Variants in ATG16L2 observed in about 807,000 individuals in gnomAD.
The protein encoded by ATG16L2 is autophagy related 16 like 2.
In ATG16L2, 77 loss-of-function variants were observed where a neutral mutation model predicts 84.7. The ratio of observed to expected loss-of-function variants is 0.91; its 90% confidence interval spans 0.76 to 1.10. The LOEUF is 1.10. Ranked by LOEUF, ATG16L2 falls within the 50% of genes least tolerant of loss-of-function variation. The probability of loss-of-function intolerance (pLI) is 0.00; values close to 1 mark genes in which losing one functional copy is unlikely to be tolerated. For missense variants in ATG16L2, 782 were observed against 817.6 expected, an observed-to-expected ratio of 0.96 and a Z score of 0.53; for synonymous variants, 361 against 342.8, an observed-to-expected ratio of 1.05 and a Z score of -0.59.
rs77419620 is a variant in ATG16L2, at chr11:72,824,802, G to A, written c.956G>A (p.Cys319Tyr). Residue 319 changes from cysteine to tyrosine, a missense_variant, in exon 9 of 18, where the codon TGT becomes TAT. Physicochemically the swap from Cys to Tyr is radical, Grantham distance 194 (BLOSUM62 -2). Transcript: ENST00000321297. Reference protein sequence around the residue: ...PEQRYQIIPVCVAARLPTRAQ... With the variant: ...PEQRYQIIPVYVAARLPTRAQ... ...CAGCGATACCAGATCATCCCTGTGT[G>A]TGTGGCTGCCCGACTTCCTACCCGG... 1.9e-5 allele frequency: 30 copies of A among 1,607,278 alleles called. No individual in the cohort carries two copies. The highest frequency in any genetic ancestry group is 3.4e-5 in the Admixed American group (2 of 58,814).
intron 4 of ATG16L2, 102 bp from the exon 5 acceptor site, chr11:72,821,942 C>A (rs1860018587): frequency 1.4e-6 from 2 of 1,426,598 alleles, no homozygotes; most frequent in Non-Finnish European, 1.8e-6. Context: ...CCCGGCTAGC[C>A]GCGTTTGGCA....
rs3814729 is a variant in ATG16L2, at chr11:72,838,441, T to C, written c.*22-4176T>C. ...TGGTCACAGTAATATACTGTACGAG[T>C]GCACATGATCAGTAATTTAGGGACT... On this transcript the variant is annotated intron_variant, in intron 5 of 5. Transcript: ENST00000534905. 225 of 315,302 alleles carry C rather than the reference T, an allele frequency of 7.1e-4. 8 individuals carry two copies. In the East Asian group the frequency reaches 0.01, roughly 14 times the overall value. The allele number at this position is 315,302 out of a possible 1,614,324, so 19.5% of individuals were successfully genotyped here.
chr11:72,832,193 G>A (rs1482305593), downstream of ATG16L2, among the ~76,000 whole-genome samples: 1 of 152,216 alleles, frequency 6.6e-6, no homozygotes, highest in Non-Finnish European at 1.5e-5. Context: ...TGCTTAGAGA[G>A]CCCAGAGGAG....
downstream of ATG16L2, among the ~76,000 whole-genome samples, chr11:72,834,162 T>C (rs1860667239): frequency 6.6e-6 from 1 of 152,168 alleles, no homozygotes; most frequent in Non-Finnish European, 1.5e-5. Flanking sequence ...TCCTCCCCCT[T>C]CTAACCTAAA....
Position 72,823,748 on chromosome 11 carries a change from CGTCTCTCCTCCCTGT to C in ATG16L2, c.825-311_825-297del, listed in dbSNP as rs1348006361. The C allele has an allele frequency of 2.0e-5, 10 of 504,044 alleles. No homozygotes were observed. The Admixed American group carries it at 2.3e-4, about 12-fold the overall frequency. The allele number at this position is 504,044 out of a possible 1,614,324, so 31.2% of individuals were successfully genotyped here. ...ATCCCCAGCCTGGGGGAACCTTCAG[CGTCTCTCCTCCCTGT>C]AGGCCCCGGCTCAGCTTCCCAGGAA... On this transcript the variant is annotated intron_variant, in intron 7 of 17. Coordinates refer to ENST00000321297, the MANE Select transcript of ATG16L2 (RefSeq NM_033388.2).
chr11:72,821,550 T>C (rs1411752975), intron 3 of ATG16L2, 118 bp from the exon 4 acceptor site: 1 of 1,481,194 alleles, frequency 6.8e-7, no homozygotes, highest in Admixed American at 2.4e-5. Context: ...GGGCTCAGCT[T>C]GCTTTTCAGG....
chr11:72,839,137 C>T (rs953069227), intron 5 of ATG16L2, among the ~76,000 whole-genome samples: 1 of 152,214 alleles, frequency 6.6e-6, no homozygotes, highest in Non-Finnish European at 1.5e-5. Context: ...AAGATCCTAG[C>T]ACATCCTCCA....
chr11:72,829,652 C>T, downstream of ATG16L2: 1 of 1,265,090 alleles, frequency 7.9e-7, no homozygotes, highest in Non-Finnish European at 1.0e-6. Flanking sequence ...CTGCCTACCT[C>T]TTTGCAGCAT....
intron 5 of ATG16L2, chr11:72,837,563 C>A (rs1296864680): frequency 1.3e-5 from 2 of 152,150 alleles, no homozygotes; most frequent in Non-Finnish European, 2.9e-5. Context: ...ACAGTCAGCA[C>A]CTGACGTGGG....
intron 5 of ATG16L2, chr11:72,841,673 T>TA: frequency 7.6e-7 from 1 of 1,314,270 alleles, no homozygotes; most frequent in East Asian, 2.6e-5. Flanking sequence ...TCATGCCTTT[T>TA]CTCTAAAGCT....
chr11:72,814,857 G>T (rs1401033114), intron 1 of ATG16L2, among the ~76,000 whole-genome samples: 1 of 152,190 alleles, frequency 6.6e-6, no homozygotes, highest in East Asian at 1.9e-4. Context: ...TGTTGGTTTT[G>T]CAGGGTCTCT....
rs369947367 is a variant in ATG16L2 at position 72,828,885 on chromosome 11, C to G, written c.1673C>G (p.Pro558Arg). ...GSDWTKAVFS[P>R]DRSYALAGSC... ...TTGCTCTGCTGTGGCCACTACAGCC[C>G]GGACAGAAGCTATGCACTGGCAGGC... The change falls in exon 17 of 18, where the codon CCG becomes CGG. Residue 558 changes from proline to arginine, a missense_variant and splice_region_variant. Transcript: ENST00000321297. 28 of 1,614,032 alleles carry G rather than the reference C, an allele frequency of 1.7e-5. No individual in the cohort carries two copies. Among genetic ancestry groups the G allele is most frequent in the Admixed American group, 3.3e-5 (2 of 60,004 alleles).
chr11:72,827,312 G>A lies in ATG16L2; in HGVS notation c.1472+19G>A. ...ACAGCAGGTGACAGGCGCAGGCTGGGGGAGGACTTGGGGAGGGCTGGGGAC... is the reference window on the plus strand; with the variant it reads ...ACAGCAGGTGACAGGCGCAGGCTGGAGGAGGACTTGGGGAGGGCTGGGGAC... On this transcript the variant is annotated intron_variant, in intron 14 of 17. Coordinates refer to ENST00000321297, the MANE Select transcript of ATG16L2 (RefSeq NM_033388.2). 6.3e-7 allele frequency: 1 copy of A among 1,593,666 alleles called. No homozygotes were observed. Among genetic ancestry groups the A allele is most frequent in the Non-Finnish European group, 8.6e-7 (1 of 1,161,442 alleles).
chr11:72,820,667 C>T (rs1490747608), intron 3 of ATG16L2, among the ~76,000 whole-genome samples: 1 of 152,162 alleles, frequency 6.6e-6, no homozygotes, highest in Non-Finnish European at 1.5e-5. Context: ...CAGCGCCAAC[C>T]GTGCTCCTCA....
Position 72,822,192 on chromosome 11 carries a change from C to G in ATG16L2, c.541C>G (p.Leu181Val). ...GCACGTCGGGCTCCGGGAGGCGGCA[C>G]TGCGCAGGCTCCAGGAAGAGGCGCG... is the stretch of plus-strand genomic sequence containing the variant. ...RAHVGLREAA[L>V]RRLQEEARDL... Residue 181 changes from leucine to valine, a missense_variant, in exon 5 of 18, where the codon CTG (leucine) becomes GTG (valine). Coordinates refer to ENST00000321297, the MANE Select transcript of ATG16L2 (RefSeq NM_033388.2). This position sits in a 1 kb window ranked among gnomAD's most constrained non-coding sequence, Gnocchi z 4.2. 2 of 1,501,914 alleles carry G rather than the reference C, an allele frequency of 1.3e-6. No individual in the cohort carries two copies. Among genetic ancestry groups the G allele is most frequent in the Non-Finnish European group, 1.8e-6 (2 of 1,135,176 alleles). 93.0% of individuals were successfully genotyped at this position (1,501,914 alleles called of 1,614,324 possible). A position where few individuals can be genotyped will look rare whatever the true frequency, so the allele number is the denominator to read the frequency against.
chr11:72,843,009 GGA>G (rs1861009279), exon 6 of ATG16L2: 2 of 928,568 alleles, frequency 2.2e-6, no homozygotes, highest in East Asian at 5.2e-5. Context: ...CTACTGTGCA[GGA>G]CAAACGTGAC....
At chr11:72,824,228 C>A in intron 8 of ATG16L2, 106 bp downstream of exon 8, 1 of 1,376,128 alleles carries the variant, frequency 7.3e-7, no homozygotes, top group East Asian at 2.3e-5. Context: ...TGATGTGCAG[C>A]TGTCTGCCTG....
At chr11:72,819,948 T>C (rs1370910314) in intron 3 of ATG16L2, among the ~76,000 whole-genome samples, 1 of 152,122 alleles carries the variant, frequency 6.6e-6, no homozygotes, top group East Asian at 1.9e-4. Flanking sequence ...GGTTTCACCA[T>C]GTTAGCTAGG....
intron 5 of ATG16L2, among the ~76,000 whole-genome samples, chr11:72,839,497 C>T (rs1376973746): frequency 6.6e-6 from 1 of 152,044 alleles, no homozygotes; most frequent in African/African-American, 2.4e-5. Context: ...TTGACAATAG[C>T]CCAAACGAGG....
Sources: gnomAD v4.1 joint callset for allele counts (sites outside exome capture counted in the v4.1 genomes callset) on GRCh38, gnomAD v4.1.1 for gene constraint, Gnocchi (gnomAD v3.1) non-coding constraint, MANE v1.5 for transcripts, NCBI Gene and HGNC (gene_info 2026-07-23, HGNC 2026-07-21) for gene names.